Variants in CELF2 observed in about 807,000 individuals in gnomAD.
CELF2 encodes the protein CUG triplet repeat RNA-binding protein 2.
In CELF2, 8 loss-of-function variants were observed where a neutral mutation model predicts 62.6. The ratio of observed to expected loss-of-function variants is 0.13; its 90% CI spans 0.07 to 0.23. The LOEUF is 0.23. Ranked by LOEUF, CELF2 falls within the 10% of genes least tolerant of loss-of-function variation. The pLI, the probability that CELF2 is intolerant of heterozygous loss-of-function variation, is 1.00. For missense variants in CELF2, 333 were observed against 671.0 expected (o/e 0.50, Z 5.56); for synonymous variants, 258 against 250.0 (o/e 1.03, Z -0.30).
intron 2 of CELF2, among the ~76,000 whole-genome samples, chr10:10,988,091 A>T (rs1181197640): frequency 1.3e-5 from 2 of 152,154 alleles, no homozygotes; most frequent in African/African-American, 2.4e-5. Flanking sequence ...CATTCAATCC[A>T]GCAATCCCAG....
intron 1 of CELF2, among the ~76,000 whole-genome samples, chr10:10,814,652 C>A (rs147514710): frequency 6.6e-6 from 1 of 152,310 alleles, no homozygotes; most frequent in East Asian, 1.9e-4. Context: ...TGAGCTGGCC[C>A]TGGGCCAAAT....
intron 2 of CELF2, among the ~76,000 whole-genome samples, chr10:11,175,093 G>T (rs1031413884): frequency 7.3e-5 from 11 of 151,698 alleles, no homozygotes; most frequent in African/African-American, 2.2e-4. Flanking sequence ...AACGTTCCCA[G>T]TGATGCACCA....
At chr10:11,182,751 T>C (rs2073820961) in intron 2 of CELF2, among the ~76,000 whole-genome samples, 1 of 152,224 alleles carries the variant, frequency 6.6e-6, no homozygotes, top group South Asian at 2.1e-4. Context: ...AAACACATTA[T>C]CTGCTCTTTG....
the CELF2 span, among the ~76,000 whole-genome samples, chr10:10,530,467 C>G: frequency 6.6e-6 from 1 of 152,156 alleles, no homozygotes. Context: ...GTTCCCTTAA[C>G]CATAAACATC....
At position 11,333,765 on chromosome 10, in the gene CELF2, T is replaced by C. The variant is rs968310831; in HGVS notation, c.*4712T>C. 6.6e-6 allele frequency: 1 copy of C among 152,612 alleles called. No individual in the cohort carries two copies. The allele number at this position is 152,612 out of a possible 1,614,324, so 9.5% of individuals were successfully genotyped here. A position where few individuals can be genotyped will look rare whatever the true frequency, so the allele number is the denominator to read the frequency against. On this transcript the variant is annotated 3_prime_UTR_variant, in exon 13 of 13. Transcript: ENST00000633077. ...GACCATTTGAGTATTGTTTGTTTTA[T>C]TGATGCATTTGGATTTTGTTGTTTG...
the CELF2 span, among the ~76,000 whole-genome samples, chr10:10,622,050 C>G: frequency 2.6e-5 from 4 of 152,258 alleles, no homozygotes; most frequent in Middle Eastern, 3.4e-3. Context: ...CTTTGTCAAA[C>G]CTGTGTGGGT....
At chr10:10,656,784 G>C in the CELF2 span, among the ~76,000 whole-genome samples, 1 of 143,010 alleles carries the variant, frequency 7.0e-6, no homozygotes, top group East Asian at 2.0e-4. Flanking sequence ...TGACGAGTTA[G>C]TGGGTGCAGC....
At chr10:10,832,958 G>T (rs1055637161) in intron 1 of CELF2, among the ~76,000 whole-genome samples, 9 of 151,628 alleles carry the variant, frequency 5.9e-5, no homozygotes, top group African/African-American at 1.9e-4. Context: ...TGAATGCCAG[G>T]TGTACTCACC....
At chr10:11,298,174 A>G (rs2093376735) in intron 9 of CELF2, among the ~76,000 whole-genome samples, 1 of 152,200 alleles carries the variant, frequency 6.6e-6, no homozygotes, top group Non-Finnish European at 1.5e-5. Flanking sequence ...GGCTGGAGGG[A>G]TGAGCTCAGC....
chr10:10,554,429 A>G, the CELF2 span, among the ~76,000 whole-genome samples: 2 of 152,082 alleles, frequency 1.3e-5, no homozygotes, highest in Non-Finnish European at 2.9e-5. Flanking sequence ...GACCCCTGCC[A>G]TCTCTGTTTC....
rs2094442657 is a variant in CELF2, at chr10:11,309,310, T to C, written c.977-4829T>C. Among the ~76,000 whole-genome samples the C allele has an allele frequency of 6.6e-6, 1 of 152,256 alleles. No individual in the cohort carries two copies. On this transcript the variant is annotated intron_variant, in intron 9 of 12. Coordinates refer to ENST00000633077, the MANE Select transcript of CELF2 (RefSeq NM_001326342.2). This position sits in a 1 kb window ranked among gnomAD's most constrained non-coding sequence, Gnocchi z 5.6. ...CTTCCCCACTGGCTTCTCATTTGTGTTTATTTCCTTACTGATTTAGCAAGA... is the reference window on the plus strand; with the variant it reads ...CTTCCCCACTGGCTTCTCATTTGTGCTTATTTCCTTACTGATTTAGCAAGA...
chr10:11,060,563 T>A (rs778197621), intron 1 of CELF2, among the ~76,000 whole-genome samples: 1 of 152,224 alleles, frequency 6.6e-6, no homozygotes, highest in Non-Finnish European at 1.5e-5. Flanking sequence ...GCCTTTGATG[T>A]GCTTGGAGAT....
intron 1 of CELF2, among the ~76,000 whole-genome samples, chr10:11,093,099 A>G (rs530044185): frequency 4.0e-4 from 61 of 152,296 alleles, no homozygotes; most frequent in African/African-American, 1.4e-3. Flanking sequence ...ATGCTGATAG[A>G]TGCAAAGTGA....
intron 5 of CELF2, among the ~76,000 whole-genome samples, chr10:11,264,569 T>C (rs1254996908): frequency 6.6e-6 from 1 of 152,218 alleles, no homozygotes; most frequent in Non-Finnish European, 1.5e-5. Flanking sequence ...AATAAAAATC[T>C]CTTAGTGTTA....
chr10:11,047,079 C>T (rs897759969), intron 1 of CELF2, among the ~76,000 whole-genome samples: 6 of 152,084 alleles, frequency 3.9e-5, no homozygotes, highest in Non-Finnish European at 8.8e-5. Flanking sequence ...TAAACTCTTC[C>T]TATTTAAGCA....
At chr10:10,463,920 C>T in the CELF2 span, among the ~76,000 whole-genome samples, 1 of 144,110 alleles carries the variant, frequency 6.9e-6, no homozygotes, top group East Asian at 2.1e-4. Flanking sequence ...TTGTCAAAAA[C>T]AGAATGTAGT....
At chr10:11,279,090 G>A (rs921713470) in intron 8 of CELF2, among the ~76,000 whole-genome samples, 3 of 152,178 alleles carry the variant, frequency 2.0e-5, no homozygotes, top group Non-Finnish European at 2.9e-5. Flanking sequence ...AGTTTATCAT[G>A]AGTGAGTTTT....
chr10:11,198,766 G>A (rs2058552781), intron 2 of CELF2, among the ~76,000 whole-genome samples: 1 of 152,212 alleles, frequency 6.6e-6, no homozygotes, highest in South Asian at 2.1e-4. Flanking sequence ...GAAAAGCGTT[G>A]TAGATTTTTT....
At chr10:11,210,026 G>T (rs1449552029) in intron 2 of CELF2, among the ~76,000 whole-genome samples, 1 of 152,140 alleles carries the variant, frequency 6.6e-6, no homozygotes, top group Non-Finnish European at 1.5e-5. Context: ...AAAATAGCGG[G>T]TTCACTAATT....
Sources: allele counts gnomAD v4.1 joint callset (sites outside exome capture counted in the v4.1 genomes callset), GRCh38; gene constraint gnomAD v4.1.1; non-coding constraint Gnocchi (gnomAD v3.1); transcripts MANE v1.5; gene names NCBI Gene and HGNC (gene_info 2026-07-23, HGNC 2026-07-21).